The following RARB variants were observed in gnomAD, a reference collection of about 807,000 sequenced individuals.
The protein encoded by RARB is HBV-activated protein.
RARB carries 17 observed loss-of-function variants against 51.9 expected under a neutral mutation model. That is an observed-to-expected ratio of 0.33 (90% CI 0.22 to 0.49). The LOEUF (loss-of-function observed/expected upper bound fraction) is 0.49. RARB is among the 20% of genes least tolerant of loss of function. The probability of loss-of-function intolerance (pLI) is 0.99; values close to 1 mark genes in which losing one functional copy is unlikely to be tolerated. For missense variants in RARB, 369 were observed against 550.8 expected (o/e 0.67, Z 3.30); for synonymous variants, 215 against 195.4 (o/e 1.10, Z -0.84).
Position 25,055,484 on chromosome 3 carries a change from C to A in RARB, c.-379-4641C>A, listed in dbSNP as rs1463325868. 4.6e-5 allele frequency among the ~76,000 whole-genome samples: 7 copies of A among 152,126 alleles called. 1 individual carries two copies. On this transcript the variant is annotated intron_variant, in intron 2 of 11. Transcript: ENST00000383772. ...TACATATAATTTGCACAAGTTCCAG[C>A]TTGAGTTATAATACTTTGTTTTATG...
chr3:25,449,149 G>T (rs1464558477), intron 1 of RARB, among the ~76,000 whole-genome samples: 1 of 152,080 alleles, frequency 6.6e-6, no homozygotes, highest in Non-Finnish European at 1.5e-5. Flanking sequence ...TGGTTGTGCA[G>T]ACTCCATTTG....
intron 2 of RARB, among the ~76,000 whole-genome samples, chr3:25,474,602 T>C (rs1318253105): frequency 6.6e-6 from 1 of 152,186 alleles, no homozygotes; most frequent in South Asian, 2.1e-4. Flanking sequence ...CTCTACAGTT[T>C]GTCAATCTCA....
chr3:25,299,259 A>G (rs978264485), intron 5 of RARB, among the ~76,000 whole-genome samples: 5 of 152,124 alleles, frequency 3.3e-5, no homozygotes, highest in Non-Finnish European at 5.9e-5. Flanking sequence ...AGAAAGATCC[A>G]TCTTCATTCT....
At chr3:25,068,039 C>T (rs548221052) in intron 3 of RARB, among the ~76,000 whole-genome samples, 5 of 144,050 alleles carry the variant, frequency 3.5e-5, no homozygotes, top group South Asian at 4.5e-4. Flanking sequence ...CAGGCTTAGG[C>T]ATGAGAACCA....
At chr3:25,412,785 C>T (rs1707596891) in intron 5 of RARB, among the ~76,000 whole-genome samples, 1 of 152,030 alleles carries the variant, frequency 6.6e-6, no homozygotes, top group Non-Finnish European at 1.5e-5. Flanking sequence ...TTTGGGAGGC[C>T]GAGGCGGGCA....
At chr3:24,998,438 A>G (rs1043389134) in intron 2 of RARB, among the ~76,000 whole-genome samples, 1 of 151,506 alleles carries the variant, frequency 6.6e-6, no homozygotes, top group Non-Finnish European at 1.5e-5. Flanking sequence ...TTTGTGGAAG[A>G]CTTTCATTGT....
intron 5 of RARB, among the ~76,000 whole-genome samples, chr3:25,402,182 T>C (rs563726173): frequency 1.3e-5 from 2 of 152,274 alleles, no homozygotes; most frequent in East Asian, 1.9e-4. Flanking sequence ...GTGGGAGATA[T>C]CATTACAGGT....
chr3:25,427,137 G>A (rs1272295593), upstream of RARB, among the ~76,000 whole-genome samples: 1 of 152,148 alleles, frequency 6.6e-6, no homozygotes, highest in East Asian at 1.9e-4. Context: ...CAAGGATGTG[G>A]GAACAGGCAA....
At chr3:25,568,038 C>A (rs936592403) in intron 3 of RARB, among the ~76,000 whole-genome samples, 2 of 152,162 alleles carry the variant, frequency 1.3e-5, no homozygotes, top group African/African-American at 4.8e-5. Flanking sequence ...CAGCGTCCTG[C>A]GCCGGCTGGG....
intron 2 of RARB, among the ~76,000 whole-genome samples, chr3:25,008,820 T>C (rs1418079499): frequency 2.0e-5 from 3 of 152,112 alleles, no homozygotes; most frequent in Non-Finnish European, 4.4e-5. Flanking sequence ...ATTCCCAATA[T>C]AATGCAGCCA....
intron 4 of RARB, among the ~76,000 whole-genome samples, chr3:25,132,442 C>G (rs916794172): frequency 6.6e-6 from 1 of 151,708 alleles, no homozygotes; most frequent in Admixed American, 6.6e-5. Context: ...TGTGGCTTGC[C>G]CATATTAACA....
At chr3:25,319,577 C>A (rs564375436) in intron 5 of RARB, among the ~76,000 whole-genome samples, 1 of 152,184 alleles carries the variant, frequency 6.6e-6, no homozygotes, top group African/African-American at 2.4e-5. Context: ...TAAAAACCCA[C>A]GAATGAGGGT....
chr3:25,186,644 T>C (rs1700983225), intron 5 of RARB, among the ~76,000 whole-genome samples: 1 of 151,992 alleles, frequency 6.6e-6, no homozygotes, highest in African/African-American at 2.4e-5. Flanking sequence ...AGAAAGATAA[T>C]GAATGGAAAT....
At chr3:25,217,175 C>T (rs1340108701) in intron 5 of RARB, among the ~76,000 whole-genome samples, 1 of 152,122 alleles carries the variant, frequency 6.6e-6, no homozygotes, top group Non-Finnish European at 1.5e-5. Context: ...GAGAAACTTC[C>T]TCTCATCTAC....
intron 3 of RARB, among the ~76,000 whole-genome samples, chr3:25,127,974 C>A (rs1340079342): frequency 6.6e-6 from 1 of 152,106 alleles, no homozygotes; most frequent in Non-Finnish European, 1.5e-5. Flanking sequence ...TGAAGTTCCT[C>A]CACTATGGCA....
At chr3:25,223,542 A>G (rs901139033) in intron 5 of RARB, among the ~76,000 whole-genome samples, 1 of 152,184 alleles carries the variant, frequency 6.6e-6, no homozygotes, top group Non-Finnish European at 1.5e-5. Flanking sequence ...GGCTGGAACC[A>G]TGCTCTCTAG....
At chr3:25,403,938 G>C (rs1255889135) in intron 5 of RARB, among the ~76,000 whole-genome samples, 1 of 129,800 alleles carries the variant, frequency 7.7e-6, no homozygotes, top group African/African-American at 2.9e-5. Context: ...GAAGCTTATA[G>C]TTATAGGCCA....
Position 25,516,587 on chromosome 3 carries a change from T to C in RARB, c.448+15264T>C, listed in dbSNP as rs1398181403. Among the ~76,000 whole-genome samples the C allele has an allele frequency of 2.6e-5, 4 of 151,736 alleles. No homozygotes were observed. The East Asian group carries it at 7.7e-4, about 29-fold the overall frequency. ...AAAAAAAGCCATCAGAGTAATTTAT[T>C]TGTGAGTTCTAGATTTATCAAAGGT... On this transcript the variant is annotated intron_variant, in intron 3 of 7. Transcript: ENST00000330688.
chr3:24,830,606 G>A (rs1470802958), intron 1 of RARB, among the ~76,000 whole-genome samples: 1 of 150,558 alleles, frequency 6.6e-6, no homozygotes, highest in Non-Finnish European at 1.5e-5. Context: ...TCGCGGAGTG[G>A]AACAGACAAA....
Sources: allele counts gnomAD v4.1 joint callset (sites outside exome capture counted in the v4.1 genomes callset), GRCh38; gene constraint gnomAD v4.1.1; transcripts MANE v1.5; gene names NCBI Gene and HGNC (gene_info 2026-07-23, HGNC 2026-07-21).